Variants in AMN1 observed in about 807,000 individuals in gnomAD.
AMN1 encodes the protein protein AMN1 homolog.
Under a neutral mutation model 33.0 loss-of-function variants are expected in AMN1, and 20 were observed. The observed-to-expected ratio is 0.61, with a 90% CI of 0.43 to 0.88. The LOEUF (loss-of-function observed/expected upper bound fraction) is 0.88, where lower values mean the gene tolerates loss of function less well. AMN1 is among the 40% of genes least tolerant of loss of function. The probability of loss-of-function intolerance (pLI) is 0.00; values close to 1 mark genes in which losing one functional copy is unlikely to be tolerated. For synonymous variants in AMN1, 114 were observed against 111.9 expected, an observed-to-expected ratio of 1.02 and a Z score of -0.12; for missense variants, 246 against 307.4, an observed-to-expected ratio of 0.80 and a Z score of 1.49.
chr12:31,702,567 A>AT (rs1009546100), intron 2 of AMN1, among the ~76,000 whole-genome samples: 4 of 151,102 alleles, frequency 2.6e-5, no homozygotes, highest in Admixed American at 1.3e-4. Context: ...TCTGTTCTTT[A>AT]TTTTTTTTCC....
rs1321406973 is a variant in AMN1 at position 31,671,517 on chromosome 12, AAAACTAAGACCTTTGCTGTTTATTT to A, written c.*762_*786del. The A allele has an allele frequency of 6.6e-6, 1 of 152,222 alleles. No individual in the cohort carries two copies. Among genetic ancestry groups the A allele is most frequent in the Non-Finnish European group, 1.5e-5 (1 of 68,036 alleles). The allele number at this position is 152,222 out of a possible 1,614,324, so 9.4% of individuals were successfully genotyped here. ...GTGATTACCAAAAAGTTTTCACTTG[AAAACTAAGACCTTTGCTGTTTATTT>A]CACAATGTGAAATCAATAAACCTGA... On this transcript the variant is annotated 3_prime_UTR_variant, in exon 7 of 7. Transcript: ENST00000281471.
chr12:31,688,960 TA>T, intron 6 of AMN1, 46 bp downstream of exon 6: 2 of 1,291,696 alleles, frequency 1.5e-6, no homozygotes, highest in Non-Finnish European at 2.2e-6. Context: ...GGTCACACAG[TA>T]AAAGATGAAG....
intron 6 of AMN1, among the ~76,000 whole-genome samples, chr12:31,674,016 T>C (rs1015214524): frequency 2.6e-5 from 4 of 151,736 alleles, no homozygotes; most frequent in African/African-American, 9.7e-5. Flanking sequence ...GTCTTATCTT[T>C]TTTTTTTTTT....
chr12:31,709,568 C>T lies in AMN1; in HGVS notation c.39-143G>A, dbSNP rs1747110936. ...GTGTGGTGGCTCACGCCTGTAATCC[C>T]AACACTTTGGGAAGCCCAGGCAGGA... is the stretch of plus-strand genomic sequence containing the variant. On this transcript the variant is annotated intron_variant, in intron 1 of 6. Coordinates refer to ENST00000281471, the MANE Select transcript of AMN1 (RefSeq NM_001113402.2). 7 of 1,026,272 alleles carry T rather than the reference C, an allele frequency of 6.8e-6. No homozygotes were observed. The Admixed American group carries it at 2.0e-4, about 30-fold the overall frequency. 63.6% of individuals were successfully genotyped at this position (1,026,272 alleles called of 1,614,324 possible).
chr12:31,698,636 T>C (rs1239901287), intron 3 of AMN1, among the ~76,000 whole-genome samples: 1 of 152,106 alleles, frequency 6.6e-6, no homozygotes, highest in Non-Finnish European at 1.5e-5. Flanking sequence ...TAAACAAACA[T>C]GGTAGCACTG....
At position 31,717,238 on chromosome 12, in the gene AMN1, T is replaced by C. The variant is rs574394566; in HGVS notation, c.39-7813A>G. 5.9e-5 allele frequency among the ~76,000 whole-genome samples: 9 copies of C among 152,300 alleles called. No individual in the cohort carries two copies. The East Asian group carries it at 1.5e-3, about 26-fold the overall frequency. On this transcript the variant is annotated intron_variant, in intron 1 of 6. Coordinates refer to ENST00000281471, the MANE Select transcript of AMN1 (RefSeq NM_001113402.2). ...CTGTGTTAGTTTGCTGAGGATGATGTCTTCCAGCTTTATCCATGTCCCTGC... is the reference window on the plus strand; with the variant it reads ...CTGTGTTAGTTTGCTGAGGATGATGCCTTCCAGCTTTATCCATGTCCCTGC...
intron 5 of AMN1, among the ~76,000 whole-genome samples, chr12:31,692,135 T>C (rs1173013790): frequency 6.6e-6 from 1 of 151,410 alleles, no homozygotes; most frequent in Non-Finnish European, 1.5e-5. Flanking sequence ...CCTCAGCCTC[T>C]CAAAGTGTTG....
chr12:31,724,338 G>A (rs997959446), intron 1 of AMN1, among the ~76,000 whole-genome samples: 14 of 152,168 alleles, frequency 9.2e-5, no homozygotes, highest in Admixed American at 5.2e-4. Context: ...AGGGTTATGT[G>A]AATGCAGTAG....
At chr12:31,705,903 C>T (rs1283465208) in intron 2 of AMN1, among the ~76,000 whole-genome samples, 1 of 152,108 alleles carries the variant, frequency 6.6e-6, no homozygotes, top group Non-Finnish European at 1.5e-5. Flanking sequence ...GTCAATCAGC[C>T]CAAGTTCCAT....
chr12:31,728,430 T>TA (rs1284981600), intron 1 of AMN1, among the ~76,000 whole-genome samples: 1 of 151,948 alleles, frequency 6.6e-6, no homozygotes, highest in Non-Finnish European at 1.5e-5. Flanking sequence ...ATTTTATAGA[T>TA]AAAGAACCTA....
At position 31,678,876 on chromosome 12, in the gene AMN1, T is replaced by C. The variant is rs186021053; in HGVS notation, c.704-6499A>G. Reference sequence around the variant, plus strand: ...CAAAAATAAACATGTCATGTAGGATTAGTAATGAATGAATGAATAATGAGG... The same window carrying C: ...CAAAAATAAACATGTCATGTAGGATCAGTAATGAATGAATGAATAATGAGG... On this transcript the variant is annotated intron_variant, in intron 6 of 6. Transcript: ENST00000281471. 9.9e-5 allele frequency among the ~76,000 whole-genome samples: 15 copies of C among 152,278 alleles called. No homozygotes were observed. The East Asian group carries it at 2.9e-3, about 29-fold the overall frequency.
At chr12:31,699,835 A>T (rs1464161184) in intron 3 of AMN1, among the ~76,000 whole-genome samples, 1 of 152,022 alleles carries the variant, frequency 6.6e-6, no homozygotes, top group African/African-American at 2.4e-5. Flanking sequence ...TCTGAGGCTA[A>T]CTCCAGGTAG....
intron 3 of AMN1, among the ~76,000 whole-genome samples, chr12:31,700,629 C>T (rs1938949775): frequency 6.6e-6 from 1 of 151,400 alleles, no homozygotes; most frequent in South Asian, 2.1e-4. Context: ...CTATACCAGG[C>T]AAAATATTTA....
rs2139672849 is a variant in AMN1 at position 31,689,109 on chromosome 12, T to C, written c.601A>G (p.Met201Val). 2 of 1,608,810 alleles carry C rather than the reference T, an allele frequency of 1.2e-6. No homozygotes were observed. Among genetic ancestry groups the C allele is most frequent in the East Asian group, 2.2e-5 (1 of 44,802 alleles). ...TCAGTCAGATTTACACAATGTCCCA[T>C]ATGAATCTCCTATGCAAAAATAAAG... ...PCAKKLEEIH[M>V]GHCVNLTDGA... The change falls in exon 6 of 7, where the codon ATG (methionine) becomes GTG (valine). Residue 201 changes from methionine to valine, a missense_variant. Met to Val is a conservative substitution (Grantham distance 21, BLOSUM62 1). Coordinates refer to ENST00000281471, the MANE Select transcript of AMN1 (RefSeq NM_001113402.2).
chr12:31,682,814 C>T (rs1236728105), intron 6 of AMN1, among the ~76,000 whole-genome samples: 3 of 152,106 alleles, frequency 2.0e-5, no homozygotes, highest in Admixed American at 2.0e-4. Flanking sequence ...AACGGTAACA[C>T]CTAGTCCAGC....
intron 6 of AMN1, among the ~76,000 whole-genome samples, chr12:31,682,444 G>A (rs1202937947): frequency 7.1e-6 from 1 of 141,524 alleles, no homozygotes; most frequent in African/African-American, 2.6e-5. Context: ...GGGAGGGTAA[G>A]AGAATTCCTG....
At chr12:31,693,784 T>C (rs1938603991) in intron 5 of AMN1, among the ~76,000 whole-genome samples, 1 of 151,492 alleles carries the variant, frequency 6.6e-6, no homozygotes, top group South Asian at 2.1e-4. Context: ...TCAGGTGATC[T>C]GCCCACCTCA....
chr12:31,726,486 T>C (rs1387445041), intron 1 of AMN1, among the ~76,000 whole-genome samples: 2 of 152,216 alleles, frequency 1.3e-5, no homozygotes, highest in African/African-American at 4.8e-5. Context: ...AATTCTTCTC[T>C]TTCCTCGGTC....
chr12:31,697,539 G>A, intron 4 of AMN1, 122 bp from the exon 5 acceptor site: 1 of 1,093,830 alleles, frequency 9.1e-7, no homozygotes, highest in Non-Finnish European at 1.4e-6. Context: ...ATGTGTTTTA[G>A]CCATATATAC....
Sources: gnomAD v4.1 joint callset for allele counts (sites outside exome capture counted in the v4.1 genomes callset) on GRCh38, gnomAD v4.1.1 for gene constraint, MANE v1.5 for transcripts, NCBI Gene and HGNC (gene_info 2026-07-23, HGNC 2026-07-21) for gene names.